Variants in PARD3 observed in about 807,000 individuals in gnomAD.
The protein encoded by PARD3 is partitioning defective 3 homolog.
In PARD3, 75 loss-of-function variants were observed where a neutral mutation model predicts 155.4. The observed-to-expected ratio is 0.48, with a 90% confidence interval of 0.40 to 0.58. The LOEUF is 0.58. Ranked by LOEUF, PARD3 falls within the 20% of genes least tolerant of loss-of-function variation. The pLI, the probability that PARD3 is intolerant of heterozygous loss-of-function variation, is 0.00. For missense variants in PARD3, 1,642 were observed against 1,721.7 expected, an observed-to-expected ratio of 0.95 and a Z score of 0.82; for synonymous variants, 576 against 610.5, an observed-to-expected ratio of 0.94 and a Z score of 0.83.
intron 22 of PARD3, among the ~76,000 whole-genome samples, chr10:34,224,101 C>T (rs928863609): frequency 1.3e-4 from 20 of 152,184 alleles, no homozygotes; most frequent in African/African-American, 3.4e-4. Flanking sequence ...AGGGAGAAGT[C>T]GTCTCATTCT....
rs1564626881 is a variant in PARD3, at chr10:34,360,051, A to G, written c.1896+20T>C. ...AAAATTTTTGTTAATAGGCATACGC[A>G]TGATAAAGTTGACACTCACTTTAGA... On this transcript the variant is annotated intron_variant, in intron 13 of 24. Transcript: ENST00000374788. 1.3e-6 allele frequency: 2 copies of G among 1,595,160 alleles called. No individual in the cohort carries two copies. The highest frequency in any genetic ancestry group is 1.7e-5 in the Admixed American group (1 of 59,856).
chr10:34,398,422 C>A (rs1843556769), intron 7 of PARD3, among the ~76,000 whole-genome samples: 1 of 152,026 alleles, frequency 6.6e-6, no homozygotes, highest in Non-Finnish European at 1.5e-5. Context: ...AACTTCCCCA[C>A]TTTTTCGCAC....
intron 4 of PARD3, among the ~76,000 whole-genome samples, chr10:34,450,753 C>G (rs184613465): frequency 3.3e-5 from 5 of 152,046 alleles, no homozygotes; most frequent in African/African-American, 1.2e-4. Flanking sequence ...AGTACGTACA[C>G]CAAAAAGTGA....
chr10:34,393,727 CTTAA>C (rs1345068092), intron 7 of PARD3, among the ~76,000 whole-genome samples: 14 of 151,688 alleles, frequency 9.2e-5, no homozygotes, highest in African/African-American at 2.7e-4. Flanking sequence ...CCAGTTTCTA[CTTAA>C]TTAATTAATT....
intron 1 of PARD3, among the ~76,000 whole-genome samples, chr10:34,782,908 T>A (rs1387008582): frequency 2.0e-5 from 3 of 151,994 alleles, no homozygotes; most frequent in Non-Finnish European, 4.4e-5. Context: ...GTATTTTTAG[T>A]AGAAACGGGT....
At chr10:34,693,336 C>T (rs1251868915) in intron 2 of PARD3, among the ~76,000 whole-genome samples, 1 of 152,144 alleles carries the variant, frequency 6.6e-6, no homozygotes, top group African/African-American at 2.4e-5. Context: ...ATAGCAAAGA[C>T]ATGGAATCAA....
Position 34,382,590 on chromosome 10 carries a change from C to T in PARD3, c.1349G>A (p.Gly450Asp). 1 of 1,613,810 alleles carries T rather than the reference C, an allele frequency of 6.2e-7. No homozygotes were observed. Among genetic ancestry groups the T allele is most frequent in the Non-Finnish European group, 8.5e-7 (1 of 1,179,986 alleles). The change falls in exon 9 of 25, where the codon GGT becomes GAT. Residue 450 changes from glycine (G) to aspartate (D), a missense_variant. Gly to Asp is a moderately conservative substitution (Grantham distance 94). Around this residue, in one of 3 missense-constraint regions of PARD3, gnomAD observed 1,529 missense variants for 1,587.3 expected, o/e 0.96. Transcript: ENST00000374788. ...CTTGCCTATTTTTTTGGTGTTATAA[C>T]CACTGCTTACAGTCGTACTAAATAC... ...QNVFSTTVSS[G>D]YNTKKIGKRL...
intron 22 of PARD3, among the ~76,000 whole-genome samples, chr10:34,234,604 C>A (rs1463745681): frequency 6.6e-6 from 1 of 152,158 alleles, no homozygotes; most frequent in Non-Finnish European, 1.5e-5. Context: ...AGCCAAATGT[C>A]ATCTTCCCAA....
intron 2 of PARD3, among the ~76,000 whole-genome samples, chr10:34,692,844 A>C (rs114336339): frequency 0.016 from 2,432 of 152,344 alleles, 61 homozygotes; most frequent in African/African-American, 0.055. Context: ...ACTTCACTCC[A>C]GCTTGGACAA....
intron 1 of PARD3, among the ~76,000 whole-genome samples, chr10:34,702,494 G>GC (rs2094297189): frequency 6.6e-6 from 1 of 152,174 alleles, no homozygotes; most frequent in African/African-American, 2.4e-5. Context: ...GCCCCTCCCA[G>GC]CCCCTGGCGG....
chr10:34,432,337 TACACACACACACACACACAC>T (rs71917947), intron 5 of PARD3, among the ~76,000 whole-genome samples: 2,348 of 143,558 alleles, frequency 0.016, 58 homozygotes, highest in African/African-American at 0.058. Context: ...CACGTGCACA[TACACACACACACACACACAC>T]ACACACACAC....
At chr10:34,205,327 T>A (rs889601730) in intron 22 of PARD3, among the ~76,000 whole-genome samples, 2 of 152,140 alleles carry the variant, frequency 1.3e-5, no homozygotes, top group Non-Finnish European at 2.9e-5. Context: ...CTGAACTCAA[T>A]TGATAAATAT....
intron 7 of PARD3, among the ~76,000 whole-genome samples, chr10:34,387,257 AG>A (rs1242603712): frequency 6.6e-6 from 1 of 152,224 alleles, no homozygotes; most frequent in African/African-American, 2.4e-5. Context: ...AATAGTCCAT[AG>A]AAAATTTTTA....
chr10:34,433,124 T>C (rs1056664621), intron 5 of PARD3, among the ~76,000 whole-genome samples: 1 of 152,230 alleles, frequency 6.6e-6, no homozygotes, highest in African/African-American at 2.4e-5. Flanking sequence ...TTCAAATATA[T>C]TTAAGGAACT....
intron 1 of PARD3, among the ~76,000 whole-genome samples, chr10:34,719,129 T>A (rs2094565938): frequency 6.6e-6 from 1 of 152,156 alleles, no homozygotes; most frequent in South Asian, 2.1e-4. Flanking sequence ...ACATGTAACA[T>A]CTCTGCTAGG....
chr10:34,278,238 G>T (rs1051235797), intron 21 of PARD3, among the ~76,000 whole-genome samples: 2 of 151,974 alleles, frequency 1.3e-5, no homozygotes, highest in African/African-American at 4.8e-5. Flanking sequence ...TTTAGGGACA[G>T]AGTCTTGCTA....
chr10:34,804,979 A>G (rs1261253380), intron 1 of PARD3, among the ~76,000 whole-genome samples: 3 of 152,244 alleles, frequency 2.0e-5, no homozygotes, highest in Non-Finnish European at 4.4e-5. Flanking sequence ...TTTTTAGTGT[A>G]GTCTATCTCA....
chr10:34,695,434 C>A (rs1053191296), intron 2 of PARD3, among the ~76,000 whole-genome samples: 2 of 149,114 alleles, frequency 1.3e-5, no homozygotes, highest in East Asian at 2.0e-4. Context: ...GCCGAGATCA[C>A]GCCACTGCAT....
At chr10:34,361,130 C>T (rs1175696976) in intron 12 of PARD3, among the ~76,000 whole-genome samples, 2 of 152,200 alleles carry the variant, frequency 1.3e-5, no homozygotes, top group African/African-American at 2.4e-5. Flanking sequence ...TCAGCAATCC[C>T]GCCCATGACC....
Sources: allele counts gnomAD v4.1 joint callset (sites outside exome capture counted in the v4.1 genomes callset), GRCh38; gene constraint gnomAD v4.1.1; regional missense constraint gnomAD v4.1.1; transcripts MANE v1.5; gene names NCBI Gene and HGNC (gene_info 2026-07-23, HGNC 2026-07-21).